UBTF: variants seen among roughly 807,000 people sequenced by gnomAD.
UBTF encodes the protein nucleolar transcription factor 1.
UBTF carries 8 observed loss-of-function variants against 112.3 expected under a neutral mutation model. That is an observed-to-expected ratio of 0.07 (90% CI 0.04 to 0.13). The LOEUF (loss-of-function observed/expected upper bound fraction) is 0.13. Ranked by LOEUF, UBTF falls within the 10% of genes least tolerant of loss-of-function variation. The probability of loss-of-function intolerance (pLI) is 1.00; values close to 1 mark genes in which losing one functional copy is unlikely to be tolerated. For synonymous variants in UBTF, 417 were observed against 373.1 expected, an observed-to-expected ratio of 1.12 and a Z score of -1.36; for missense variants, 457 against 982.1, an observed-to-expected ratio of 0.47 and a Z score of 7.15.
rs751581408 is a variant in UBTF at position 44,209,472 on chromosome 17, C to T, written c.1785G>A (p.Glu595=). ...AGCGACTGCCGATCTCCACCATGCG[C>T]TCCTTCAGCGGCAGGTGGTTCAGCT... ...NGELNHLPLK[E]RMVEIGSRWQ... The change falls in exon 17 of 21, where the codon GAG becomes GAA. Residue 595 remains glutamate, a synonymous_variant. Coordinates refer to ENST00000436088, the MANE Select transcript of UBTF (RefSeq NM_014233.4). The T allele has an allele frequency of 1.2e-6, 2 of 1,614,138 alleles. No homozygotes were observed. Among genetic ancestry groups the T allele is most frequent in the South Asian group, 2.2e-5 (2 of 91,084 alleles).
rs199983228 is a variant in UBTF, at chr17:44,207,649, C to T, written c.2025+50G>A. 3.1e-6 allele frequency: 5 copies of T among 1,614,140 alleles called. No homozygotes were observed. In the African/African-American group the frequency reaches 5.3e-5, roughly 17 times the overall value. On this transcript the variant is annotated intron_variant, in intron 19 of 20. Transcript: ENST00000436088. The stretch of plus-strand genomic sequence containing the variant: ...GTCTCTGGTCTCTGCCCAACCATTC[C>T]AGGCAGTGCCCCCCGCCCCACGCCC...
Position 44,209,691 on chromosome 17 carries a change from A to T in UBTF, c.1669T>A (p.Ser557Thr). The T allele has an allele frequency of 6.2e-7, 1 of 1,614,142 alleles. No individual in the cohort carries two copies. Among genetic ancestry groups the T allele is most frequent in the Non-Finnish European group, 8.5e-7 (1 of 1,180,018 alleles). Residue 557 changes from serine to threonine, a missense_variant, in exon 16 of 21, where the codon TCT (serine) becomes ACT (threonine). By Grantham distance (58) the Ser-to-Thr change is moderately conservative. This residue lies in a region of UBTF where 77 missense variants were observed against 211.9 expected (regional missense o/e 0.36). Transcript: ENST00000436088. ...CCCTGGAATTTCATCTTCTTGGAAG[A>T]ATTTGTAGCAGCTGGAGGTGCCCGC... is the stretch of plus-strand genomic sequence containing the variant. Reference protein sequence around the residue: ...EMRAPPAATNSSKKMKFQGEP... With the variant: ...EMRAPPAATNTSKKMKFQGEP...
At position 44,211,277 on chromosome 17, in the gene UBTF, G is replaced by A; in HGVS notation, c.1089+13C>T. On this transcript the variant is annotated intron_variant, in intron 11 of 20. Coordinates refer to ENST00000436088, the MANE Select transcript of UBTF (RefSeq NM_014233.4). This position sits in a 1 kb window ranked among gnomAD's most constrained non-coding sequence, Gnocchi z 4.9. ...GTCTTCTCTGCCCACTGCCCCACCG[G>A]AGGAACACTCACCTCGAGGAAACGG... 1 of 1,614,232 alleles carries A rather than the reference G, an allele frequency of 6.2e-7. No homozygotes were observed. Among genetic ancestry groups the A allele is most frequent in the Non-Finnish European group, 8.5e-7 (1 of 1,180,038 alleles).
At position 44,218,286 on chromosome 17, in the gene UBTF, G is replaced by C. The variant is rs1353789315; in HGVS notation, c.-57C>G. 8 of 1,590,000 alleles carry C rather than the reference G, an allele frequency of 5.0e-6. No individual in the cohort carries two copies. Among genetic ancestry groups the C allele is most frequent in the Admixed American group, 1.7e-5 (1 of 59,218 alleles). On this transcript the variant is annotated 5_prime_UTR_variant, in exon 2 of 21. Transcript: ENST00000436088. ...GCTGGCCGGGCAACCCGGGGTCAAA[G>C]CCACCTCACCCTTTGGAAGACATAC...
rs1191437568 is a variant in UBTF at position 44,206,896 on chromosome 17, A to C, written c.*346T>G. On this transcript the variant is annotated 3_prime_UTR_variant, in exon 21 of 21. Coordinates refer to ENST00000436088, the MANE Select transcript of UBTF (RefSeq NM_014233.4). ...GCCGCAGGTGTGGAGGGCCTCATCA[A>C]ACTCTTTGGGACCCCCCACCCCCAC... 2.5e-6 allele frequency: 1 copy of C among 400,252 alleles called. No individual in the cohort carries two copies. The highest frequency in any genetic ancestry group is 4.4e-6 in the Non-Finnish European group (1 of 224,994). The allele number at this position is 400,252 out of a possible 1,614,324, so 24.8% of individuals were successfully genotyped here. A position where few individuals can be genotyped will look rare whatever the true frequency, so the allele number is the denominator to read the frequency against.
At chr17:44,210,703 G>A (rs1435056317) in intron 13 of UBTF, 89 bp downstream of exon 13, 54 of 1,512,704 alleles carry the variant, frequency 3.6e-5, no homozygotes, top group Non-Finnish European at 4.7e-5. Context: ...GGCTCAGGCG[G>A]CCAGGGGCGA....
rs1265552149 is a variant in UBTF at position 44,205,989 on chromosome 17, G to A, written c.*1253C>T. On this transcript the variant is annotated 3_prime_UTR_variant, in exon 21 of 21. Coordinates refer to ENST00000436088, the MANE Select transcript of UBTF (RefSeq NM_014233.4). Reference sequence around the variant, plus strand: ...GAGAAATTAAAGGAAATAGGGGGTGGTGGGAGGATTCAAGGAAGGCTGGAG... The same window carrying A: ...GAGAAATTAAAGGAAATAGGGGGTGATGGGAGGATTCAAGGAAGGCTGGAG... 6.6e-6 allele frequency: 1 copy of A among 152,138 alleles called. No homozygotes were observed. The highest frequency in any genetic ancestry group is 1.5e-5 in the Non-Finnish European group (1 of 68,032). The allele number at this position is 152,138 out of a possible 1,614,324, so 9.4% of individuals were successfully genotyped here.
chr17:44,210,562 G>A, intron 13 of UBTF, 89 bp from the exon 14 acceptor site: 1 of 1,451,532 alleles, frequency 6.9e-7, no homozygotes, highest in Non-Finnish European at 9.0e-7. Flanking sequence ...CCGCCGGCGG[G>A]CAGAAGCATG....
chr17:44,213,906 C>A (rs1339321510), intron 5 of UBTF, among the ~76,000 whole-genome samples: 2 of 152,036 alleles, frequency 1.3e-5, no homozygotes, highest in African/African-American at 4.8e-5. Context: ...CTGTCTGGCC[C>A]CTCCAGCCCT....
At chr17:44,213,481 C>T (rs1598249864) in intron 5 of UBTF, 199 bp from the exon 6 acceptor site, 2 of 556,044 alleles carry the variant, frequency 3.6e-6, no homozygotes, top group East Asian at 2.9e-5. Context: ...ATGGTGGGAG[C>T]TGCAGGGGTC....
rs1335624036 is a variant in UBTF, at chr17:44,211,033, G to A, written c.1203+6C>T. The A allele has an allele frequency of 3.7e-6, 6 of 1,609,090 alleles. No homozygotes were observed. The East Asian group carries it at 1.1e-4, about 30-fold the overall frequency. The stretch of plus-strand genomic sequence containing the variant: ...CCCCGCCTGCGCGGCCGCACCCTCT[G>A]CCCACCTTGCCCCCTTCCTGGGCTG... On this transcript the variant is annotated splice_donor_region_variant and intron_variant, in intron 12 of 20. Transcript: ENST00000436088. The surrounding 1 kb of genome is among the most constrained non-coding windows in gnomAD (Gnocchi z 4.9).
chr17:44,218,794 A>G (rs1392711681), intron 1 of UBTF, among the ~76,000 whole-genome samples: 2 of 147,460 alleles, frequency 1.4e-5, no homozygotes, highest in East Asian at 4.1e-4. Context: ...ACCCGGACGC[A>G]GCGCAGCCGC....
At chr17:44,214,288 C>T (rs1346429222) in intron 5 of UBTF, among the ~76,000 whole-genome samples, 2 of 152,220 alleles carry the variant, frequency 1.3e-5, no homozygotes, top group African/African-American at 4.8e-5. Context: ...TCCTCTTCCC[C>T]CATCTCAGTC....
At position 44,211,989 on chromosome 17, in the gene UBTF, A is replaced by G. The variant is rs1242522326; in HGVS notation, c.789T>C (p.Tyr263=). The change falls in exon 9 of 21, where the codon TAT becomes TAC. Residue 263 remains tyrosine, a synonymous_variant. Transcript: ENST00000436088. This position sits in a 1 kb window ranked among gnomAD's most constrained non-coding sequence, Gnocchi z 4.9. ...TGTTCAGCTCTGGGTGCTTCTGGAT[A>G]TAGTCTCTCATGATCTCCTGCAGAG... The part of the protein sequence containing the change: ...RKEYEEIMRD[Y]IQKHPELNIS... The G allele has an allele frequency of 1.9e-6, 3 of 1,611,136 alleles. No homozygotes were observed. The highest frequency in any genetic ancestry group is 2.2e-5 in the East Asian group (1 of 44,666).
chr17:44,215,581 C>G, intron 5 of UBTF, 73 bp downstream of exon 5: 3 of 1,583,348 alleles, frequency 1.9e-6, no homozygotes, highest in Non-Finnish European at 2.6e-6. Flanking sequence ...CAAGGCCTAC[C>G]TCCAACTGAC....
chr17:44,213,172 C>T, intron 6 of UBTF, 46 bp downstream of exon 6: 1 of 1,599,758 alleles, frequency 6.3e-7, no homozygotes, highest in Non-Finnish European at 8.5e-7. Flanking sequence ...GCCTATTCTG[C>T]TGCCCCCAGT....
intron 5 of UBTF, among the ~76,000 whole-genome samples, chr17:44,215,015 G>T (rs2046774185): frequency 1.3e-5 from 2 of 152,218 alleles, no homozygotes; most frequent in South Asian, 4.1e-4. Flanking sequence ...CAGAGTTAAT[G>T]CTTTGATGGT....
chr17:44,213,339 A>G, intron 5 of UBTF, 57 bp from the exon 6 acceptor site: 1 of 1,569,052 alleles, frequency 6.4e-7, no homozygotes, highest in East Asian at 2.3e-5. Context: ...ACCCTGAGCT[A>G]TGAAGGCCAC....
upstream of UBTF, among the ~76,000 whole-genome samples, chr17:44,220,052 GGCTGCTGCT>G (rs914059314): frequency 2.2e-5 from 3 of 137,122 alleles, no homozygotes; most frequent in South Asian, 2.4e-4. Flanking sequence ...CGGCGGCGGC[GGCTGCTGCT>G]GCTGCTGCTG....
Sources: gnomAD v4.1 joint callset for allele counts (sites outside exome capture counted in the v4.1 genomes callset) on GRCh38, gnomAD v4.1.1 for gene constraint, gnomAD v4.1.1 regional missense constraint, Gnocchi (gnomAD v3.1) non-coding constraint, MANE v1.5 for transcripts, NCBI Gene and HGNC (gene_info 2026-07-23, HGNC 2026-07-21) for gene names.